AGBL1: variants seen among roughly 807,000 people sequenced by gnomAD.
The protein encoded by AGBL1 is AGBL carboxypeptidase 1.
Under a neutral mutation model 118.9 loss-of-function variants are expected in AGBL1, and 130 were observed. The observed-to-expected ratio is 1.09, with a 90% CI of 0.95 to 1.26. The LOEUF (loss-of-function observed/expected upper bound fraction) is 1.26. AGBL1 is among the 50% of genes most tolerant of loss of function. The pLI is 0.00. For synonymous variants in AGBL1, 555 were observed against 478.9 expected (o/e 1.16, Z -2.08); for missense variants, 1,584 against 1,298.1 (o/e 1.22, Z -3.38).
chr15:86,257,627 T>A (rs1032981746), intron 8 of AGBL1, among the ~76,000 whole-genome samples: 15 of 152,224 alleles, frequency 9.9e-5, no homozygotes, highest in Admixed American at 4.6e-4. Flanking sequence ...TTCGTTTGTG[T>A]GTGATCTCTA....
At chr15:86,903,513 G>T (rs919044687) in intron 22 of AGBL1, among the ~76,000 whole-genome samples, 1 of 152,098 alleles carries the variant, frequency 6.6e-6, no homozygotes, top group Admixed American at 6.5e-5. Context: ...TCATCTTGCT[G>T]TTGGCATGTC....
At chr15:86,317,317 T>A (rs1252798061) in intron 17 of AGBL1, 1 of 152,176 alleles carries the variant, frequency 6.6e-6, no homozygotes. Context: ...GATGGGCTTT[T>A]GTAAAGAAAG....
At chr15:86,819,594 A>G (rs940303191) in intron 22 of AGBL1, among the ~76,000 whole-genome samples, 7 of 152,282 alleles carry the variant, frequency 4.6e-5, no homozygotes, top group African/African-American at 1.7e-4. Context: ...AGGGATGTGA[A>G]GGACCTCTTC....
rs188983034 is a variant in AGBL1 at position 86,897,652 on chromosome 15, C to G, written c.3159-9435C>G. On this transcript the variant is annotated intron_variant, in intron 22 of 22. Coordinates refer to ENST00000614907, the MANE Select transcript of AGBL1 (RefSeq NM_001386094.1). ...GATTTTCTTGTCACTGATTTTCCCC[C>G]CAGTGGTTTCCACCCTAATTCTTGT... is the stretch of plus-strand genomic sequence containing the variant. Among the ~76,000 whole-genome samples, 249 of 151,984 alleles carry G rather than the reference C, an allele frequency of 1.6e-3. 1 individual carries two copies. The highest frequency in any genetic ancestry group is 5.3e-3 in the African/African-American group (219 of 41,466).
intron 16 of AGBL1, among the ~76,000 whole-genome samples, chr15:86,283,379 G>A (rs2079386335): frequency 6.6e-6 from 1 of 151,996 alleles, no homozygotes; most frequent in African/African-American, 2.4e-5. Flanking sequence ...CATGTATTGG[G>A]GGAGCTTAAG....
At chr15:86,392,438 G>A (rs888047187) in intron 17 of AGBL1, among the ~76,000 whole-genome samples, 1 of 152,134 alleles carries the variant, frequency 6.6e-6, no homozygotes, top group African/African-American at 2.4e-5. Flanking sequence ...GATGGCATTG[G>A]ATTGTAATTA....
chr15:86,689,503 A>T (rs994829918), intron 22 of AGBL1, among the ~76,000 whole-genome samples: 4 of 152,154 alleles, frequency 2.6e-5, no homozygotes, highest in African/African-American at 7.2e-5. Flanking sequence ...ATCTTTGTCA[A>T]GCCTCTCATC....
chr15:86,334,648 G>GAA lies in AGBL1; in HGVS notation c.2374+39248_2374+39249dup, dbSNP rs35738001. On this transcript the variant is annotated intron_variant, in intron 17 of 22. Coordinates refer to ENST00000614907, the MANE Select transcript of AGBL1 (RefSeq NM_001386094.1). The stretch of plus-strand genomic sequence containing the variant: ...ACTAATGTCACTTTTCACATAACTA[G>GAA]AAAAAAAAACTATTCTAAAATTCAT... Among the ~76,000 whole-genome samples, 17 of 150,954 alleles carry GAA rather than the reference G, an allele frequency of 1.1e-4. No homozygotes were observed. In the East Asian group the frequency reaches 1.2e-3, roughly 10 times the overall value.
chr15:86,217,332 C>A (rs1397133486), intron 5 of AGBL1, among the ~76,000 whole-genome samples: 3 of 152,124 alleles, frequency 2.0e-5, no homozygotes, highest in Non-Finnish European at 4.4e-5. Flanking sequence ...TAGACCAGTG[C>A]CTAGCTTTTG....
At chr15:86,153,012 C>G (rs565185488) in intron 3 of AGBL1, among the ~76,000 whole-genome samples, 159 of 152,288 alleles carry the variant, frequency 1.0e-3, no homozygotes, top group African/African-American at 3.5e-3. Context: ...CAGGAAACAA[C>G]AGATGCTGGG....
intron 23 of AGBL1, among the ~76,000 whole-genome samples, chr15:86,986,501 T>C (rs2081283884): frequency 6.6e-6 from 1 of 152,144 alleles, no homozygotes; most frequent in Admixed American, 6.5e-5. Context: ...TTTCATATAA[T>C]ATACATCTTA....
intron 18 of AGBL1, among the ~76,000 whole-genome samples, chr15:86,450,547 C>G (rs2082180402): frequency 6.6e-6 from 1 of 152,160 alleles, no homozygotes; most frequent in Non-Finnish European, 1.5e-5. Flanking sequence ...GAACAGTATT[C>G]ATTCTGTTTA....
intron 22 of AGBL1, among the ~76,000 whole-genome samples, chr15:86,760,903 G>A (rs1332793437): frequency 2.6e-5 from 4 of 152,092 alleles, no homozygotes; most frequent in Non-Finnish European, 5.9e-5. Flanking sequence ...GAAGTGGACA[G>A]TTCAGTAAAA....
chr15:86,970,810 C>T (rs1447426067), intron 23 of AGBL1, among the ~76,000 whole-genome samples: 2 of 151,876 alleles, frequency 1.3e-5, no homozygotes, highest in Non-Finnish European at 2.9e-5. Context: ...TACAATTGGC[C>T]CTCCATATCT....
chr15:86,428,342 A>C (rs1290680254), intron 18 of AGBL1, among the ~76,000 whole-genome samples: 2 of 152,194 alleles, frequency 1.3e-5, no homozygotes, highest in Non-Finnish European at 2.9e-5. Context: ...CTGTGACAGC[A>C]CAATTAACTA....
chr15:86,569,208 A>AATAGCCTGAGTCCAGAAGTTT (rs2083963769), intron 21 of AGBL1, among the ~76,000 whole-genome samples: 1 of 152,126 alleles, frequency 6.6e-6, no homozygotes, highest in Non-Finnish European at 1.5e-5. Context: ...GAGGTGGGAG[A>AATAGCCTGAGTCCAGAAGTTT]ATAGCCTGAG....
chr15:86,204,162 C>A (rs1333542504), intron 5 of AGBL1, among the ~76,000 whole-genome samples: 1 of 152,082 alleles, frequency 6.6e-6, no homozygotes, highest in Non-Finnish European at 1.5e-5. Flanking sequence ...GCTTGTCAAG[C>A]CACTTAGAGG....
At chr15:86,893,226 T>A (rs1156850856) in intron 22 of AGBL1, among the ~76,000 whole-genome samples, 1 of 152,138 alleles carries the variant, frequency 6.6e-6, no homozygotes, top group Non-Finnish European at 1.5e-5. Context: ...GCTGGATGAA[T>A]CTGAGTGTCT....
intron 1 of AGBL1, among the ~76,000 whole-genome samples, chr15:86,127,086 C>T (rs1050303523): frequency 2.0e-5 from 3 of 152,162 alleles, no homozygotes; most frequent in African/African-American, 7.2e-5. Context: ...AAGCTGTAGT[C>T]CCCAGTAATC....
Sources: allele counts gnomAD v4.1 joint callset (sites outside exome capture counted in the v4.1 genomes callset), GRCh38; gene constraint gnomAD v4.1.1; transcripts MANE v1.5; gene names NCBI Gene and HGNC (gene_info 2026-07-23, HGNC 2026-07-21).